The following SUCLG2 variants were observed in gnomAD, a reference collection of about 807,000 sequenced individuals.
SUCLG2 encodes succinate-CoA ligase GDP-forming subunit beta.
A neutral mutation model predicts 47.9 loss-of-function variants in SUCLG2; 42 were observed. The ratio of observed to expected loss-of-function variants is 0.88; its 90% confidence interval spans 0.69 to 1.14. SUCLG2 has a LOEUF of 1.14. SUCLG2 is among the 50% of genes most tolerant of loss of function. The pLI is 0.00. For missense variants in SUCLG2, 571 were observed against 525.9 expected, an observed-to-expected ratio of 1.09 and a Z score of -0.84; for synonymous variants, 195 against 197.3, an observed-to-expected ratio of 0.99 and a Z score of 0.10.
At chr3:67,440,217 T>C (rs544543763) in intron 9 of SUCLG2, among the ~76,000 whole-genome samples, 1 of 152,326 alleles carries the variant, frequency 6.6e-6, no homozygotes, top group South Asian at 2.1e-4. Context: ...TTACACTTTA[T>C]GCAAAAACTA....
intron 9 of SUCLG2, among the ~76,000 whole-genome samples, chr3:67,434,585 T>C (rs1703570032): frequency 6.6e-6 from 1 of 152,014 alleles, no homozygotes; most frequent in African/African-American, 2.4e-5. Context: ...GTACATAGGG[T>C]ACCTAACAAA....
At chr3:67,372,042 T>C (rs1272131884), downstream of SUCLG2, among the ~76,000 whole-genome samples, 5 of 152,182 alleles carry the variant, frequency 3.3e-5, no homozygotes, top group Non-Finnish European at 5.9e-5. Context: ...TCAGGAGATT[T>C]AGACCAGAGA....
intron 9 of SUCLG2, among the ~76,000 whole-genome samples, chr3:67,458,219 T>A (rs1203219427): frequency 6.6e-6 from 1 of 152,172 alleles, no homozygotes; most frequent in Non-Finnish European, 1.5e-5. Flanking sequence ...GCCAGATTGC[T>A]AAATCATAAG....
At chr3:67,611,913 C>T (rs190423729) in intron 1 of SUCLG2, among the ~76,000 whole-genome samples, 1 of 152,294 alleles carries the variant, frequency 6.6e-6, no homozygotes, top group Non-Finnish European at 1.5e-5. Context: ...GGACAATGAG[C>T]ACAGTTCCAA....
intron 1 of SUCLG2, among the ~76,000 whole-genome samples, chr3:67,644,559 G>A (rs1016496741): frequency 1.6e-4 from 25 of 152,032 alleles, no homozygotes; most frequent in Non-Finnish European, 2.9e-5. Context: ...AATGGATGAT[G>A]GTGATGGCTG....
rs372887597 is a variant in SUCLG2 at position 67,586,371 on chromosome 3, G to C, written c.226+23084C>G. Among the ~76,000 whole-genome samples, 5 of 152,262 alleles carry C rather than the reference G, an allele frequency of 3.3e-5. No individual in the cohort carries two copies. The South Asian group carries it at 8.3e-4, about 25-fold the overall frequency. On this transcript the variant is annotated intron_variant, in intron 2 of 10. Coordinates refer to ENST00000307227, the MANE Select transcript of SUCLG2 (RefSeq NM_003848.4). Reference sequence around the variant, plus strand: ...TCCTGGAACAACCTAGACTGCATGGGACAAAATTTTCTTTTTGCAAATGAT... The same window carrying C: ...TCCTGGAACAACCTAGACTGCATGGCACAAAATTTTCTTTTTGCAAATGAT...
At chr3:67,415,410 C>A (rs143120063) in intron 9 of SUCLG2, among the ~76,000 whole-genome samples, 105 of 152,248 alleles carry the variant, frequency 6.9e-4, no homozygotes, top group Non-Finnish European at 1.4e-3. Flanking sequence ...CTAGGCACTG[C>A]CTAAGTATTT....
At chr3:67,620,846 A>C (rs1445536248) in intron 1 of SUCLG2, among the ~76,000 whole-genome samples, 2 of 152,158 alleles carry the variant, frequency 1.3e-5, no homozygotes, top group African/African-American at 4.8e-5. Context: ...AGGAGCATGA[A>C]AATGCCAGCA....
chr3:67,377,636 T>G (rs1702062425), intron 10 of SUCLG2, among the ~76,000 whole-genome samples: 1 of 152,160 alleles, frequency 6.6e-6, no homozygotes, highest in South Asian at 2.1e-4. Flanking sequence ...GTCACCTTTT[T>G]GGTTCTGGTT....
intron 9 of SUCLG2, among the ~76,000 whole-genome samples, chr3:67,484,856 C>T (rs536331727): frequency 6.6e-6 from 1 of 152,050 alleles, no homozygotes; most frequent in Admixed American, 6.6e-5. Flanking sequence ...TGCTCCTTTA[C>T]AAAGACAGAA....
intron 9 of SUCLG2, among the ~76,000 whole-genome samples, chr3:67,427,328 C>T (rs1012200014): frequency 3.9e-5 from 6 of 152,180 alleles, no homozygotes; most frequent in Non-Finnish European, 5.9e-5. Flanking sequence ...AGGTCAGCAA[C>T]TGAAGACCTG....
At chr3:67,552,756 C>A (rs1433053892) in intron 2 of SUCLG2, among the ~76,000 whole-genome samples, 1 of 152,136 alleles carries the variant, frequency 6.6e-6, no homozygotes, top group Non-Finnish European at 1.5e-5. Flanking sequence ...AGGATGCAAT[C>A]TATGTAAAGA....
chr3:67,550,512 A>AT (rs910086232), intron 2 of SUCLG2, among the ~76,000 whole-genome samples: 20 of 151,672 alleles, frequency 1.3e-4, no homozygotes, highest in African/African-American at 4.1e-4. Context: ...ATGCCTGGAA[A>AT]TTTTTTTTGT....
intron 2 of SUCLG2, among the ~76,000 whole-genome samples, chr3:67,579,068 CAGAA>C (rs1298650208): frequency 6.6e-6 from 1 of 152,032 alleles, no homozygotes; most frequent in Non-Finnish European, 1.5e-5. Context: ...AAAATTTCCT[CAGAA>C]AGAAAGGAAT....
intron 2 of SUCLG2, among the ~76,000 whole-genome samples, chr3:67,554,934 C>A (rs1463943210): frequency 2.6e-5 from 4 of 152,082 alleles, no homozygotes; most frequent in African/African-American, 9.7e-5. Flanking sequence ...AAGATACTGG[C>A]AGCATGCATA....
intron 1 of SUCLG2, among the ~76,000 whole-genome samples, chr3:67,623,615 T>G (rs1444525083): frequency 6.6e-6 from 1 of 152,202 alleles, no homozygotes; most frequent in Non-Finnish European, 1.5e-5. Context: ...GGGCTATTCA[T>G]TATTCATTAA....
At chr3:67,442,929 C>A (rs1703807385) in intron 9 of SUCLG2, among the ~76,000 whole-genome samples, 1 of 152,154 alleles carries the variant, frequency 6.6e-6, no homozygotes, top group South Asian at 2.1e-4. Context: ...ATAAATAATA[C>A]AATCAGCTCT....
intron 2 of SUCLG2, among the ~76,000 whole-genome samples, chr3:67,595,429 C>G (rs913035997): frequency 1.3e-5 from 2 of 152,078 alleles, no homozygotes; most frequent in African/African-American, 2.4e-5. Flanking sequence ...AGAACGTCAG[C>G]CAGGCCTCAA....
intron 2 of SUCLG2, among the ~76,000 whole-genome samples, chr3:67,568,901 A>G (rs1161964896): frequency 1.3e-5 from 2 of 152,186 alleles, no homozygotes; most frequent in African/African-American, 4.8e-5. Context: ...AAAATAAAAT[A>G]AAATAAAATA....
Sources: allele counts gnomAD v4.1 joint callset (sites outside exome capture counted in the v4.1 genomes callset), GRCh38; gene constraint gnomAD v4.1.1; transcripts MANE v1.5; gene names NCBI Gene and HGNC (gene_info 2026-07-23, HGNC 2026-07-21).